FAM3B: variants seen among roughly 807,000 people sequenced by gnomAD.
The protein encoded by FAM3B is protein FAM3B.
FAM3B carries 29 observed loss-of-function variants against 28.4 expected under a neutral mutation model. The observed-to-expected ratio is 1.02, with a 90% CI of 0.76 to 1.39. FAM3B has a LOEUF of 1.39. Among genes scored for constraint, FAM3B ranks in the 40% most tolerant of loss-of-function variants. The pLI is 0.00. For synonymous variants in FAM3B, 91 were observed against 103.0 expected, an observed-to-expected ratio of 0.88 and a Z score of 0.71; for missense variants, 266 against 293.9, an observed-to-expected ratio of 0.91 and a Z score of 0.69.
chr21:41,307,971 A>G (rs1228153889), intron 1 of FAM3B, among the ~76,000 whole-genome samples: 1 of 152,174 alleles, frequency 6.6e-6, no homozygotes, highest in Non-Finnish European at 1.5e-5. Context: ...CAGGGTTGCT[A>G]GGAACCCTCA....
At position 41,311,281 on chromosome 21, in the gene FAM3B, T is replaced by A. The variant is rs868820071; in HGVS notation, n.99+6971T>A. Reference sequence around the variant, plus strand: ...ATATATATATATATATATATATATATATATATATATATATATGTATATATA... The same window carrying A: ...ATATATATATATATATATATATATAAATATATATATATATATGTATATATA... On this transcript the variant is annotated intron_variant and non_coding_transcript_variant, in intron 1 of 9. Transcript: ENST00000479810. 3.1e-3 allele frequency among the ~76,000 whole-genome samples: 266 copies of A among 87,212 alleles called. 9 individuals are homozygous for A. Among genetic ancestry groups the A allele is most frequent in the Non-Finnish European group, 4.2e-3 (192 of 45,576 alleles). 57.2% of individuals were successfully genotyped at this position (87,212 alleles called of 152,430 possible).
chr21:41,319,922 T>C (rs1263487221), intron 1 of FAM3B: 1 of 151,924 alleles, frequency 6.6e-6, no homozygotes, highest in African/African-American at 2.4e-5. Context: ...ATTTCAGATA[T>C]AGTGAGGTCA....
At chr21:41,339,506 T>G (rs2088985049) in intron 3 of FAM3B, among the ~76,000 whole-genome samples, 1 of 152,190 alleles carries the variant, frequency 6.6e-6, no homozygotes, top group African/African-American at 2.4e-5. Context: ...AGCAATGCAT[T>G]TGTTTCTAAA....
intron 1 of FAM3B, among the ~76,000 whole-genome samples, chr21:41,305,001 A>C (rs1013994071): frequency 6.6e-6 from 1 of 152,190 alleles, no homozygotes; most frequent in Non-Finnish European, 1.5e-5. Context: ...TTGGAACTGA[A>C]GGGATGACGT....
intron 1 of FAM3B, among the ~76,000 whole-genome samples, chr21:41,307,357 A>G (rs1482914693): frequency 6.6e-6 from 1 of 152,212 alleles, no homozygotes; most frequent in Non-Finnish European, 1.5e-5. Context: ...AGGAAATATC[A>G]TGGTTTACCC....
chr21:41,335,236 G>A (rs1318818191), intron 2 of FAM3B, among the ~76,000 whole-genome samples: 1 of 152,164 alleles, frequency 6.6e-6, no homozygotes, highest in Non-Finnish European at 1.5e-5. Flanking sequence ...GGACTATTGG[G>A]AAAGCATCAT....
intron 6 of FAM3B, 28 bp from the exon 7 acceptor site, chr21:41,348,564 C>G: frequency 6.2e-7 from 1 of 1,613,914 alleles, no homozygotes; most frequent in Non-Finnish European, 8.5e-7. Flanking sequence ...CCCTGAGATG[C>G]TCACATGCTT....
intron 3 of FAM3B, 106 bp downstream of exon 3, chr21:41,338,607 C>G: frequency 6.8e-7 from 1 of 1,465,370 alleles, no homozygotes; most frequent in Non-Finnish European, 9.2e-7. Flanking sequence ...AACCATATGT[C>G]GTTGGTCTCA....
intron 2 of FAM3B, among the ~76,000 whole-genome samples, chr21:41,327,892 C>CCTCT (rs2088867838): frequency 6.6e-6 from 1 of 152,218 alleles, no homozygotes; most frequent in African/African-American, 2.4e-5. Flanking sequence ...ATGCCATCCA[C>CCTCT]CTCTGTGAGT....
chr21:41,344,416 C>T (rs572879433), intron 3 of FAM3B, 60 bp from the exon 4 acceptor site: 9 of 1,507,600 alleles, frequency 6.0e-6, no homozygotes, highest in African/African-American at 2.8e-5. Context: ...GCGAAGACTT[C>T]GCGGAGCGGG....
rs116282367 is a variant in FAM3B, at chr21:41,326,161, G to A, written c.163+3095G>A. 5.2e-3 allele frequency among the ~76,000 whole-genome samples: 799 copies of A among 152,286 alleles called. 4 individuals carry two copies. Among genetic ancestry groups the A allele is most frequent in the African/African-American group, 0.018 (741 of 41,542 alleles). On this transcript the variant is annotated intron_variant, in intron 2 of 7. Transcript: ENST00000357985. This position sits in a 1 kb window ranked among gnomAD's most constrained non-coding sequence, Gnocchi z 4.0. ...TTACCTTTTGATTGTTTGGGGGAAG[G>A]AATTTCAGGAAAAGCACTGAAGACC...
At chr21:41,330,424 G>A (rs1435640400) in intron 2 of FAM3B, among the ~76,000 whole-genome samples, 1 of 152,180 alleles carries the variant, frequency 6.6e-6, no homozygotes. Flanking sequence ...GTGGCTTCAT[G>A]CATCCACTCG....
intron 2 of FAM3B, among the ~76,000 whole-genome samples, chr21:41,325,290 G>C (rs1439809747): frequency 6.6e-6 from 1 of 152,152 alleles, no homozygotes; most frequent in Non-Finnish European, 1.5e-5. Flanking sequence ...ATGGCTTCTG[G>C]TCTTTGGTTT....
intron 6 of FAM3B, among the ~76,000 whole-genome samples, chr21:41,347,366 G>A (rs942331895): frequency 6.6e-6 from 1 of 152,148 alleles, no homozygotes; most frequent in African/African-American, 2.4e-5. Flanking sequence ...CCATAATTAG[G>A]ACAGACAAAC....
chr21:41,346,743 C>T (rs1265987707), intron 5 of FAM3B, among the ~76,000 whole-genome samples: 3 of 152,124 alleles, frequency 2.0e-5, no homozygotes, highest in African/African-American at 7.2e-5. Context: ...TATCTTGACC[C>T]CCTTTCACTA....
rs765037838 is a variant in FAM3B at position 41,344,476 on chromosome 21, A to G, written c.288A>G (p.Leu96=). The change falls in exon 4 of 8, where the codon CTA becomes CTG. Residue 96 remains leucine, a splice_region_variant and synonymous_variant. Coordinates refer to ENST00000357985, the MANE Select transcript of FAM3B (RefSeq NM_058186.4). ...TGACTAATGCTTAGCTCCATTTCAG[A>G]CTTATGGGAGAACAGCTGGGAAATG... ...KYAKICFEDN[L]LMGEQLGNVA... 10 of 1,614,034 alleles carry G rather than the reference A, an allele frequency of 6.2e-6. No individual in the cohort carries two copies. The South Asian group carries it at 7.7e-5, about 12-fold the overall frequency.
chr21:41,316,123 G>C (rs1186007047), upstream of FAM3B, among the ~76,000 whole-genome samples: 1 of 152,230 alleles, frequency 6.6e-6, no homozygotes, highest in Admixed American at 6.5e-5. Flanking sequence ...TGGATGGGGA[G>C]AGAGGAGCTA....
chr21:41,335,126 G>T (rs1263199653), intron 2 of FAM3B, among the ~76,000 whole-genome samples: 1 of 152,074 alleles, frequency 6.6e-6, no homozygotes, highest in East Asian at 1.9e-4. Flanking sequence ...ACTTCTTTTT[G>T]ATTTTACAGG....
intron 2 of FAM3B, among the ~76,000 whole-genome samples, chr21:41,335,997 T>C (rs1381500944): frequency 6.6e-6 from 1 of 152,228 alleles, no homozygotes; most frequent in African/African-American, 2.4e-5. Context: ...ATTACTCATC[T>C]GTCAGTATTA....
Sources: gnomAD v4.1 joint callset for allele counts (sites outside exome capture counted in the v4.1 genomes callset) on GRCh38, gnomAD v4.1.1 for gene constraint, Gnocchi (gnomAD v3.1) non-coding constraint, MANE v1.5 for transcripts, NCBI Gene and HGNC (gene_info 2026-07-23, HGNC 2026-07-21) for gene names.